Variants in PKNOX2 observed in about 807,000 individuals in gnomAD.
PKNOX2 encodes homeobox protein PKNOX2.
In PKNOX2, 14 loss-of-function variants were observed where a neutral mutation model predicts 53.1. That is an observed-to-expected ratio of 0.26 (90% CI 0.17 to 0.41). The LOEUF is 0.41. Ranked by LOEUF, PKNOX2 falls within the 10% of genes least tolerant of loss-of-function variation. PKNOX2 has a pLI of 1.00. For missense variants in PKNOX2, 496 were observed against 602.8 expected, an observed-to-expected ratio of 0.82 and a Z score of 1.85; for synonymous variants, 257 against 242.8, an observed-to-expected ratio of 1.06 and a Z score of -0.54.
At chr11:125,226,451 C>T (rs991523203) in intron 1 of PKNOX2, among the ~76,000 whole-genome samples, 37 of 152,128 alleles carry the variant, frequency 2.4e-4, no homozygotes, top group Admixed American at 1.7e-3. Flanking sequence ...CTGGTACAGC[C>T]GCTGGGTTGA....
At chr11:125,302,402 C>T (rs1948138844) in intron 2 of PKNOX2, among the ~76,000 whole-genome samples, 2 of 152,222 alleles carry the variant, frequency 1.3e-5, no homozygotes, top group African/African-American at 2.4e-5. Context: ...GCTATGCACA[C>T]TCTCCTCTGA....
rs564852696 is a variant in PKNOX2 at position 125,426,179 on chromosome 11, G to A, written c.937-2833G>A. Among the ~76,000 whole-genome samples the A allele has an allele frequency of 1.3e-4, 20 of 152,322 alleles. 2 individuals are homozygous for A. In the South Asian group the frequency reaches 3.9e-3, roughly 30 times the overall value. On this transcript the variant is annotated intron_variant, in intron 10 of 12. Coordinates refer to ENST00000298282, the MANE Select transcript of PKNOX2 (RefSeq NM_001382323.2). ...TCCTTCTCTGGAGGCCGTTAATAGT[G>A]GAAGAACTTTTCATCCTACTGGCTT... is the stretch of plus-strand genomic sequence containing the variant.
chr11:125,347,687 A>T (rs1328122365), intron 3 of PKNOX2, among the ~76,000 whole-genome samples: 1 of 152,170 alleles, frequency 6.6e-6, no homozygotes, highest in Non-Finnish European at 1.5e-5. Flanking sequence ...ATGACATTTT[A>T]GTTTCTTCTG....
At chr11:125,193,079 C>T (rs560416698) in intron 1 of PKNOX2, among the ~76,000 whole-genome samples, 3 of 152,344 alleles carry the variant, frequency 2.0e-5, no homozygotes, top group Admixed American at 6.5e-5. Context: ...TGAGGGACGA[C>T]CTGTCTCGCT....
At position 125,166,959 on chromosome 11, in the gene PKNOX2, G is replaced by T. The variant is rs901273427; in HGVS notation, c.-201+2183G>T. On this transcript the variant is annotated intron_variant, in intron 1 of 12. Transcript: ENST00000298282. This position sits in a 1 kb window ranked among gnomAD's most constrained non-coding sequence, Gnocchi z 4.0. ...GAATGATGGTGTTCAAACATAACACGGTGTATTACCCAAAGCCCCTGCCCT... is the reference window on the plus strand; with the variant it reads ...GAATGATGGTGTTCAAACATAACACTGTGTATTACCCAAAGCCCCTGCCCT... Among the ~76,000 whole-genome samples the T allele has an allele frequency of 2.6e-5, 4 of 152,122 alleles. No homozygotes were observed. The highest frequency in any genetic ancestry group is 7.2e-5 in the African/African-American group (3 of 41,438).
chr11:125,380,992 A>C (rs1289123008), intron 5 of PKNOX2, among the ~76,000 whole-genome samples: 1 of 152,130 alleles, frequency 6.6e-6, no homozygotes, highest in African/African-American at 2.4e-5. Flanking sequence ...CTGTGTTGGG[A>C]ACAGCTTGCG....
At chr11:125,361,582 T>G (rs376545863) in intron 4 of PKNOX2, among the ~76,000 whole-genome samples, 1 of 152,330 alleles carries the variant, frequency 6.6e-6, no homozygotes, top group African/African-American at 2.4e-5. Flanking sequence ...CTTATTATAC[T>G]TTAAGTTCTA....
chr11:125,265,474 C>T (rs1945252728), intron 2 of PKNOX2, among the ~76,000 whole-genome samples: 2 of 152,214 alleles, frequency 1.3e-5, no homozygotes, highest in Non-Finnish European at 2.9e-5. Flanking sequence ...CCAGGATGCT[C>T]ACGCCAATTC....
At chr11:125,386,182 G>A (rs555103475) in intron 6 of PKNOX2, among the ~76,000 whole-genome samples, 16 of 152,346 alleles carry the variant, frequency 1.1e-4, no homozygotes, top group South Asian at 8.3e-4. Flanking sequence ...ACCTGACATC[G>A]ATGTGCTGAG....
At chr11:125,301,379 A>G (rs112650846) in intron 2 of PKNOX2, among the ~76,000 whole-genome samples, 4,515 of 152,020 alleles carry the variant, frequency 0.03, 226 homozygotes, top group African/African-American at 0.098. Flanking sequence ...GGGTAGAGAC[A>G]GGGCCTCCCA....
At chr11:125,244,730 A>G (rs1943430476) in intron 2 of PKNOX2, among the ~76,000 whole-genome samples, 1 of 152,272 alleles carries the variant, frequency 6.6e-6, no homozygotes, top group African/African-American at 2.4e-5. Flanking sequence ...CTCCATTTGC[A>G]TTCTGTGCCA....
At chr11:125,260,034 G>C (rs998865535) in intron 2 of PKNOX2, among the ~76,000 whole-genome samples, 1 of 151,838 alleles carries the variant, frequency 6.6e-6, no homozygotes, top group Non-Finnish European at 1.5e-5. Flanking sequence ...ACCATGCCCA[G>C]CTATTTTTTG....
chr11:125,187,681 T>G (rs1198393963), intron 1 of PKNOX2, among the ~76,000 whole-genome samples: 1 of 151,984 alleles, frequency 6.6e-6, no homozygotes, highest in Admixed American at 6.5e-5. Context: ...TTTTTCCTAA[T>G]TACTCTGGCT....
chr11:125,351,263 C>T (rs778251294), intron 3 of PKNOX2, 21 bp from the exon 4 acceptor site: 5 of 993,570 alleles, frequency 5.0e-6, no homozygotes, highest in Admixed American at 1.9e-5. Flanking sequence ...AACGGTGCGG[C>T]CCCCTTTCTC....
At chr11:125,349,999 C>T (rs1358170963) in intron 3 of PKNOX2, among the ~76,000 whole-genome samples, 1 of 152,094 alleles carries the variant, frequency 6.6e-6, no homozygotes, top group African/African-American at 2.4e-5. Context: ...GAGGATGAAG[C>T]CCTAGGTGCC....
At chr11:125,375,380 G>A (rs1952776813) in intron 5 of PKNOX2, among the ~76,000 whole-genome samples, 1 of 152,170 alleles carries the variant, frequency 6.6e-6, no homozygotes, top group Non-Finnish European at 1.5e-5. Context: ...CCCAGGATGT[G>A]TATGACTCAA....
At chr11:125,354,032 C>T (rs1056672878) in intron 4 of PKNOX2, among the ~76,000 whole-genome samples, 20 of 152,170 alleles carry the variant, frequency 1.3e-4, no homozygotes, top group Admixed American at 6.5e-5. Context: ...GGGCCTTCTG[C>T]CCACTCTTTC....
In PKNOX2 at chr11:125,370,254, C is replaced by T. The variant is rs897835045; in HGVS notation, c.227+2269C>T. Among the ~76,000 whole-genome samples, 3 of 152,146 alleles carry T rather than the reference C, an allele frequency of 2.0e-5. No homozygotes were observed. The highest frequency in any genetic ancestry group is 6.5e-5 in the Admixed American group (1 of 15,276). ...CGGCCCGTGGAGGCACCTGGCCCTG[C>T]GTCCAGCACCAAACAGAGGGTTTAC... On this transcript the variant is annotated intron_variant, in intron 5 of 12. Transcript: ENST00000298282. This position sits in a 1 kb window ranked among gnomAD's most constrained non-coding sequence, Gnocchi z 4.1.
chr11:125,188,064 A>G (rs1956562334), intron 1 of PKNOX2: 1 of 152,226 alleles, frequency 6.6e-6, no homozygotes, highest in Admixed American at 6.5e-5. Flanking sequence ...ATTTGATTCT[A>G]AAACAGCCCT....
Sources: gnomAD v4.1 joint callset for allele counts (sites outside exome capture counted in the v4.1 genomes callset) on GRCh38, gnomAD v4.1.1 for gene constraint, Gnocchi (gnomAD v3.1) non-coding constraint, MANE v1.5 for transcripts, NCBI Gene and HGNC (gene_info 2026-07-23, HGNC 2026-07-21) for gene names.